The following HDAC9 variants were observed in gnomAD, a reference collection of about 807,000 sequenced individuals.
HDAC9 encodes the protein histone deacetylase 9.
A neutral mutation model predicts 139.4 loss-of-function variants in HDAC9; 41 were observed. The observed-to-expected ratio is 0.29, with a 90% CI of 0.23 to 0.38. The LOEUF (loss-of-function observed/expected upper bound fraction) is 0.38, where lower values mean the gene tolerates loss of function less well. Ranked by LOEUF, HDAC9 falls within the 10% of genes least tolerant of loss-of-function variation. The probability of loss-of-function intolerance (pLI) is 1.00; values close to 1 mark genes in which losing one functional copy is unlikely to be tolerated. For synonymous variants in HDAC9, 517 were observed against 476.2 expected (o/e 1.09, Z -1.12); for missense variants, 1,147 against 1,297.0 (o/e 0.88, Z 1.78).
chr7:18,201,144 A>C (rs1178316), intron 2 of HDAC9, among the ~76,000 whole-genome samples: 1 of 151,878 alleles, frequency 6.6e-6, no homozygotes, highest in African/African-American at 2.4e-5. Flanking sequence ...CTGCAAGTCT[A>C]TCCGGCTGCT....
intron 1 of HDAC9, among the ~76,000 whole-genome samples, chr7:18,341,494 A>G (rs890255547): frequency 7.3e-5 from 11 of 151,674 alleles, no homozygotes; most frequent in Non-Finnish European, 1.6e-4. Context: ...AGGTATGCTA[A>G]TCTTTTTTTC....
At chr7:18,623,377 T>A (rs1840748292) in intron 6 of HDAC9, among the ~76,000 whole-genome samples, 1 of 152,200 alleles carries the variant, frequency 6.6e-6, no homozygotes, top group Non-Finnish European at 1.5e-5. Flanking sequence ...TTTCAAACAT[T>A]ACACTAGGCA....
intron 22 of HDAC9, among the ~76,000 whole-genome samples, chr7:18,890,099 A>G (rs1344086539): frequency 6.6e-6 from 1 of 152,230 alleles, no homozygotes; most frequent in Non-Finnish European, 1.5e-5. Flanking sequence ...TCATAGATTT[A>G]TGAAGAGTAA....
At chr7:18,931,357 T>A (rs767106331) in intron 22 of HDAC9, among the ~76,000 whole-genome samples, 7 of 152,158 alleles carry the variant, frequency 4.6e-5, no homozygotes, top group Non-Finnish European at 1.0e-4. Flanking sequence ...GGTAAAAGAT[T>A]CTTATCGGCA....
At position 18,519,373 on chromosome 7, in the gene HDAC9, C is replaced by T. The variant is rs111633989; in HGVS notation, c.22+23049C>T. Among the ~76,000 whole-genome samples the T allele has an allele frequency of 7.4e-3, 1,132 of 152,142 alleles. 14 individuals carry two copies. The highest frequency in any genetic ancestry group is 0.026 in the African/African-American group (1,072 of 41,524). ...AAAAAGTTACCATATATTAAATGCT[C>T]AAGAGGTTAATATCTATAAAGCAGA... On this transcript the variant is annotated intron_variant, in intron 2 of 25. Coordinates refer to ENST00000686413, the MANE Select transcript of HDAC9 (RefSeq NM_178425.4).
chr7:18,578,029 A>G (rs1826554844), intron 2 of HDAC9: 2 of 434,232 alleles, frequency 4.6e-6, no homozygotes, highest in Middle Eastern at 6.0e-4. Context: ...CTCCATCTCT[A>G]TCTCCATCCC....
rs188494693 is a variant in HDAC9, at chr7:18,541,679, A to C, written c.23-43602A>C. Among the ~76,000 whole-genome samples the C allele has an allele frequency of 2.6e-4, 39 of 152,322 alleles. 2 individuals carry two copies. In the East Asian group the frequency reaches 5.4e-3, roughly 21 times the overall value. On this transcript the variant is annotated intron_variant, in intron 2 of 25. Transcript: ENST00000686413. ...AGAAACAGGAATTCTATATCTGTAC[A>C]GTGACTGAAATACAAGGGCCCTCTC...
At chr7:18,382,277 A>G (rs1785510710) in intron 1 of HDAC9, among the ~76,000 whole-genome samples, 1 of 152,246 alleles carries the variant, frequency 6.6e-6, no homozygotes, top group African/African-American at 2.4e-5. Flanking sequence ...AATATCAATT[A>G]TATATGTAAT....
At chr7:18,219,821 A>C (rs1220612607) in intron 2 of HDAC9, among the ~76,000 whole-genome samples, 1 of 152,236 alleles carries the variant, frequency 6.6e-6, no homozygotes, top group African/African-American at 2.4e-5. Context: ...TTGTTAAGTA[A>C]GTTTAACAGT....
chr7:18,886,857 C>G (rs180960959), intron 22 of HDAC9, among the ~76,000 whole-genome samples: 13 of 152,266 alleles, frequency 8.5e-5, no homozygotes, highest in Non-Finnish European at 1.3e-4. Context: ...ATGGTTCTTC[C>G]TTGGCCTGAC....
intron 23 of HDAC9, among the ~76,000 whole-genome samples, chr7:18,947,354 A>G (rs921996448): frequency 1.3e-5 from 2 of 151,948 alleles, no homozygotes; most frequent in Admixed American, 1.3e-4. Context: ...ATCGAACTCT[A>G]GTAAGACTGA....
chr7:18,575,212 A>G (rs913046500), intron 2 of HDAC9, among the ~76,000 whole-genome samples: 1 of 152,250 alleles, frequency 6.6e-6, no homozygotes, highest in Non-Finnish European at 1.5e-5. Context: ...TAAGCATTTC[A>G]GCATGTCTCA....
Position 18,156,587 on chromosome 7 carries a change from C to T in HDAC9, c.-96-5642C>T, listed in dbSNP as rs964493883. On this transcript the variant is annotated intron_variant, in intron 1 of 12. Coordinates refer to the HDAC9 transcript ENST00000417496. Reference sequence around the variant, plus strand: ...CATCAGGAACTTATTGTGTACCTGCCATGTATCAGGTACTCTACTAGGTGT... The same window carrying T: ...CATCAGGAACTTATTGTGTACCTGCTATGTATCAGGTACTCTACTAGGTGT... Among the ~76,000 whole-genome samples the T allele has an allele frequency of 3.9e-5, 6 of 152,188 alleles. 1 individual carries two copies. The highest frequency in any genetic ancestry group is 3.9e-4 in the Admixed American group (6 of 15,278).
chr7:18,230,787 A>G (rs574726543), intron 2 of HDAC9, among the ~76,000 whole-genome samples: 4 of 152,336 alleles, frequency 2.6e-5, no homozygotes, highest in African/African-American at 9.6e-5. Flanking sequence ...TTAAAAGCCT[A>G]TCATCAACAT....
intron 1 of HDAC9, among the ~76,000 whole-genome samples, chr7:18,345,791 AC>A (rs1782367409): frequency 6.6e-6 from 1 of 151,844 alleles, no homozygotes; most frequent in African/African-American, 2.4e-5. Flanking sequence ...TGCTGCCTAT[AC>A]CTTCATTCAG....
At chr7:18,918,379 C>T (rs756217770) in intron 22 of HDAC9, among the ~76,000 whole-genome samples, 5 of 151,788 alleles carry the variant, frequency 3.3e-5, no homozygotes, top group Admixed American at 3.3e-4. Context: ...TGTGATGGCA[C>T]TAGGCCAGGT....
chr7:18,628,065 A>T (rs1842164784), intron 6 of HDAC9, among the ~76,000 whole-genome samples: 1 of 152,204 alleles, frequency 6.6e-6, no homozygotes, highest in African/African-American at 2.4e-5. Context: ...CAAAAATATA[A>T]ATTCCCTCAA....
intron 21 of HDAC9, among the ~76,000 whole-genome samples, chr7:18,863,317 A>G (rs934957246): frequency 1.8e-4 from 28 of 152,326 alleles, no homozygotes; most frequent in Middle Eastern, 3.4e-3. Flanking sequence ...GCTAGACTTT[A>G]GCTTGTCCAA....
chr7:18,156,916 T>C (rs969415482), intron 1 of HDAC9, among the ~76,000 whole-genome samples: 4 of 152,036 alleles, frequency 2.6e-5, no homozygotes, highest in Admixed American at 6.6e-5. Flanking sequence ...GGATAAATTG[T>C]TTCTATAAAA....
Sources: allele counts gnomAD v4.1 joint callset (sites outside exome capture counted in the v4.1 genomes callset), GRCh38; gene constraint gnomAD v4.1.1; transcripts MANE v1.5; gene names NCBI Gene and HGNC (gene_info 2026-07-23, HGNC 2026-07-21).